Variants in LRCH3 observed in about 807,000 individuals in gnomAD.
LRCH3 encodes DISP complex protein LRCH3.
Under a neutral mutation model 104.5 loss-of-function variants are expected in LRCH3, and 68 were observed. The ratio of observed to expected loss-of-function variants is 0.65; its 90% CI spans 0.54 to 0.80. The LOEUF (loss-of-function observed/expected upper bound fraction) is 0.80. LRCH3 is among the 30% of genes least tolerant of loss of function. The probability of loss-of-function intolerance (pLI) is 0.00; values close to 1 mark genes in which losing one functional copy is unlikely to be tolerated. For missense variants in LRCH3, 951 were observed against 953.9 expected (o/e 1.00, Z 0.04); for synonymous variants, 344 against 361.3 (o/e 0.95, Z 0.54).
chr3:197,818,101 G>A (rs567205342), intron 3 of LRCH3, among the ~76,000 whole-genome samples: 3 of 152,244 alleles, frequency 2.0e-5, no homozygotes, highest in East Asian at 1.9e-4. Context: ...GATTACAGGC[G>A]TGAGCCACCG....
intron 5 of LRCH3, among the ~76,000 whole-genome samples, chr3:197,828,776 C>T (rs1331446111): frequency 7.7e-5 from 11 of 142,608 alleles, no homozygotes; most frequent in African/African-American, 2.4e-4. Flanking sequence ...GGTGCGATCT[C>T]GGCTTACTGC....
At position 197,823,849 on chromosome 3, in the gene LRCH3, T is replaced by C. The variant is rs537140177; in HGVS notation, c.641-3029T>C. On this transcript the variant is annotated intron_variant, in intron 4 of 20. Transcript: ENST00000425562. ...CTGGTTTGGGCAACTTTGACACTTA[T>C]GTCAGCTTCCTATTGTGATGATAGA... Among the ~76,000 whole-genome samples the C allele has an allele frequency of 5.9e-5, 9 of 152,312 alleles. No individual in the cohort carries two copies. The East Asian group carries it at 1.5e-3, about 26-fold the overall frequency.
chr3:197,841,803 G>A (rs376128463), intron 10 of LRCH3, among the ~76,000 whole-genome samples: 133 of 129,080 alleles, frequency 1.0e-3, no homozygotes, highest in Middle Eastern at 4.2e-3. Flanking sequence ...CTAAAGCTAG[G>A]ATTACATGTT....
At chr3:197,847,183 G>C (rs1167338339) in intron 10 of LRCH3, among the ~76,000 whole-genome samples, 1 of 152,188 alleles carries the variant, frequency 6.6e-6, no homozygotes, top group Non-Finnish European at 1.5e-5. Context: ...ATAGACAGTT[G>C]ATACCACATG....
intron 1 of LRCH3, among the ~76,000 whole-genome samples, chr3:197,809,818 G>A (rs946709323): frequency 1.7e-4 from 26 of 152,096 alleles, no homozygotes; most frequent in Non-Finnish European, 1.3e-4. Flanking sequence ...TTACAAGAGA[G>A]TCTGTAATTG....
intron 10 of LRCH3, among the ~76,000 whole-genome samples, chr3:197,844,716 C>T (rs942979385): frequency 6.6e-6 from 1 of 152,132 alleles, no homozygotes; most frequent in African/African-American, 2.4e-5. Flanking sequence ...CTCCCAGGTT[C>T]AAGCGATTCC....
chr3:197,818,587 G>A (rs1227162882), intron 3 of LRCH3, among the ~76,000 whole-genome samples: 1 of 152,204 alleles, frequency 6.6e-6, no homozygotes, highest in Non-Finnish European at 1.5e-5. Context: ...GAGCCAGTTA[G>A]AACTAGGACA....
At chr3:197,795,512 T>G (rs1403675690) in intron 1 of LRCH3, among the ~76,000 whole-genome samples, 1 of 152,002 alleles carries the variant, frequency 6.6e-6, no homozygotes, top group Non-Finnish European at 1.5e-5. Flanking sequence ...CAATAGGATG[T>G]TAGCCTGGAA....
chr3:197,838,591 A>G (rs887804330), intron 9 of LRCH3, among the ~76,000 whole-genome samples: 1 of 152,192 alleles, frequency 6.6e-6, no homozygotes, highest in Non-Finnish European at 1.5e-5. Context: ...TATTGCTTCT[A>G]TAGGTTTTCC....
At chr3:197,880,083 C>G (rs573148605) in intron 20 of LRCH3, among the ~76,000 whole-genome samples, 10 of 151,154 alleles carry the variant, frequency 6.6e-5, no homozygotes, top group Admixed American at 2.0e-4. Flanking sequence ...GTAGCTGGGA[C>G]TACAGGCGCC....
chr3:197,814,510 A>G (rs1027174723), intron 1 of LRCH3, among the ~76,000 whole-genome samples: 1 of 152,202 alleles, frequency 6.6e-6, no homozygotes, highest in African/African-American at 2.4e-5. Context: ...ATGTAGTTCA[A>G]TATATGTGAT....
At position 197,804,263 on chromosome 3, in the gene LRCH3, GA is replaced by G. The variant is rs112672058; in HGVS notation, c.263-10634del. ...AGCGTAAGACCCTGTCTCAAAAAAA[GA>G]AAAAAAAAAAGACCCACTTTGTGGG... On this transcript the variant is annotated intron_variant, in intron 1 of 20. Transcript: ENST00000425562. Among the ~76,000 whole-genome samples the G allele has an allele frequency of 5.6e-3, 774 of 137,242 alleles. 5 individuals carry two copies. Among genetic ancestry groups the G allele is most frequent in the African/African-American group, 8.2e-3 (307 of 37,598 alleles). The allele number at this position is 137,242 out of a possible 152,430, so 90.0% of individuals were successfully genotyped here. A position where few individuals can be genotyped will look rare whatever the true frequency, so the allele number is the denominator to read the frequency against.
At chr3:197,870,402 G>C in intron 18 of LRCH3, 124 bp downstream of exon 18, 1 of 932,726 alleles carries the variant, frequency 1.1e-6, no homozygotes, top group Non-Finnish European at 1.5e-6. Context: ...GTCTCACTCT[G>C]TCACCCAGGC....
At chr3:197,811,664 TG>T (rs1733139047) in intron 1 of LRCH3, among the ~76,000 whole-genome samples, 1 of 152,226 alleles carries the variant, frequency 6.6e-6, no homozygotes, top group Admixed American at 6.5e-5. Flanking sequence ...TTGGTTTTCC[TG>T]GCTTAGTTAC....
At chr3:197,879,605 A>T (rs1203672987) in intron 20 of LRCH3, among the ~76,000 whole-genome samples, 2 of 152,054 alleles carry the variant, frequency 1.3e-5, no homozygotes, top group South Asian at 4.2e-4. Flanking sequence ...GAGATCAGCG[A>T]GACTCCGTCT....
intron 8 of LRCH3, among the ~76,000 whole-genome samples, chr3:197,833,760 C>T (rs970177443): frequency 5.9e-5 from 9 of 152,072 alleles, no homozygotes; most frequent in East Asian, 1.9e-4. Context: ...AAATTTCAAA[C>T]GACATATGTG....
chr3:197,794,344 A>G lies in LRCH3; in HGVS notation c.262+2804A>G, dbSNP rs188010322. ...TAGAGATGTTCACTAATTTGCTCAA[A>G]GATCTGTGGCTAAAGGACAGAGGAG... is the stretch of plus-strand genomic sequence containing the variant. On this transcript the variant is annotated intron_variant, in intron 1 of 20. Coordinates refer to ENST00000425562, the MANE Select transcript of LRCH3 (RefSeq NM_001365715.1). Among the ~76,000 whole-genome samples the G allele has an allele frequency of 4.0e-3, 614 of 152,322 alleles. 3 individuals are homozygous for G. Among genetic ancestry groups the G allele is most frequent in the African/African-American group, 0.011 (449 of 41,576 alleles).
Position 197,883,478 on chromosome 3 carries a change from A to T in LRCH3, c.2209-63A>T. On this transcript the variant is annotated intron_variant, in intron 20 of 20. Transcript: ENST00000425562. This position sits in a 1 kb window ranked among gnomAD's most constrained non-coding sequence, Gnocchi z 4.2. ...GGAGAAGTGCTTATTTTTTCCTTTCAGTTCTATGATATTCATCCGATTTTC... is the reference window on the plus strand; with the variant it reads ...GGAGAAGTGCTTATTTTTTCCTTTCTGTTCTATGATATTCATCCGATTTTC... 3 of 1,490,416 alleles carry T rather than the reference A, an allele frequency of 2.0e-6. No homozygotes were observed. The highest frequency in any genetic ancestry group is 2.2e-5 in the Admixed American group (1 of 44,824). The allele number at this position is 1,490,416 out of a possible 1,614,324, so 92.3% of individuals were successfully genotyped here. A position where few individuals can be genotyped will look rare whatever the true frequency, so the allele number is the denominator to read the frequency against.
intron 5 of LRCH3, among the ~76,000 whole-genome samples, chr3:197,829,285 A>C (rs1171401200): frequency 6.6e-6 from 1 of 152,242 alleles, no homozygotes; most frequent in African/African-American, 2.4e-5. Context: ...AGTCAGTGTG[A>C]TAAGTTTACT....
Sources: allele counts gnomAD v4.1 joint callset (sites outside exome capture counted in the v4.1 genomes callset), GRCh38; gene constraint gnomAD v4.1.1; non-coding constraint Gnocchi (gnomAD v3.1); transcripts MANE v1.5; gene names NCBI Gene and HGNC (gene_info 2026-07-23, HGNC 2026-07-21).